Variants in KIF16B observed in about 807,000 individuals in gnomAD.
The protein encoded by KIF16B is kinesin-like protein KIF16B.
A neutral mutation model predicts 156.3 loss-of-function variants in KIF16B; 98 were observed. That is an observed-to-expected ratio of 0.63 (90% CI 0.53 to 0.74). The LOEUF (loss-of-function observed/expected upper bound fraction) is 0.74, where lower values mean the gene tolerates loss of function less well. Among genes scored for constraint, KIF16B ranks in the 30% least tolerant of loss-of-function variants. The probability of loss-of-function intolerance (pLI) is 0.00; values close to 1 mark genes in which losing one functional copy is unlikely to be tolerated. For missense variants in KIF16B, 1,421 were observed against 1,606.5 expected (o/e 0.88, Z 1.97); for synonymous variants, 564 against 583.7 (o/e 0.97, Z 0.49).
intron 25 of KIF16B, among the ~76,000 whole-genome samples, chr20:16,275,292 A>G (rs1335307784): frequency 6.6e-6 from 1 of 152,128 alleles, no homozygotes; most frequent in Non-Finnish European, 1.5e-5. Flanking sequence ...CTGACCTCAA[A>G]TGATCCACCC....
At chr20:16,398,607 A>G (rs887358172) in intron 17 of KIF16B, among the ~76,000 whole-genome samples, 8 of 152,144 alleles carry the variant, frequency 5.3e-5, no homozygotes, top group African/African-American at 1.9e-4. Context: ...CCATTTAAGG[A>G]AAAAAAATCT....
At chr20:16,430,330 GATGGCTTTTCTCTCTACTTACC>G (rs1007258780) in intron 12 of KIF16B, among the ~76,000 whole-genome samples, 5 of 152,064 alleles carry the variant, frequency 3.3e-5, no homozygotes, top group African/African-American at 1.2e-4. Flanking sequence ...TGCCTTAGTT[GATGGCTTTTCTCTCTACTTACC>G]ATGGTTGAAC....
At chr20:16,395,798 T>A (rs530279328) in intron 17 of KIF16B, among the ~76,000 whole-genome samples, 1 of 152,098 alleles carries the variant, frequency 6.6e-6, no homozygotes, top group African/African-American at 2.4e-5. Context: ...TAGGAGGGTG[T>A]AATTATATCG....
At chr20:16,345,166 C>A (rs538335149) in intron 23 of KIF16B, among the ~76,000 whole-genome samples, 1 of 152,208 alleles carries the variant, frequency 6.6e-6, no homozygotes, top group African/African-American at 2.4e-5. Context: ...TCCGATTATG[C>A]CTCCATGAGC....
intron 17 of KIF16B, among the ~76,000 whole-genome samples, chr20:16,396,754 G>A (rs1005139075): frequency 2.7e-5 from 4 of 149,900 alleles, no homozygotes; most frequent in South Asian, 2.1e-4. Context: ...CCCGATTGTC[G>A]GTGACTTCAG....
rs920764159 is a variant in KIF16B, at chr20:16,503,465, C to T, written c.1176+907G>A. On this transcript the variant is annotated intron_variant, in intron 10 of 25. Coordinates refer to ENST00000354981, the MANE Select transcript of KIF16B (RefSeq NM_024704.5). Reference sequence around the variant, plus strand: ...AGGAAATTCAGTGAGGTTTTCATCCCATCAGTATTTTCAAAACATTTATGG... The same window carrying T: ...AGGAAATTCAGTGAGGTTTTCATCCTATCAGTATTTTCAAAACATTTATGG... Among the ~76,000 whole-genome samples the T allele has an allele frequency of 5.3e-5, 8 of 152,244 alleles. No individual in the cohort carries two copies. The East Asian group carries it at 1.5e-3, about 29-fold the overall frequency.
chr20:16,336,126 T>C (rs891159229), intron 23 of KIF16B, 111 bp from the exon 24 acceptor site: 1 of 658,228 alleles, frequency 1.5e-6, no homozygotes, highest in African/African-American at 1.9e-5. Flanking sequence ...ATGTAAAATT[T>C]CTCTAGAACT....
rs74406342 is a variant in KIF16B, at chr20:16,425,821, T to C, written c.1612+1283A>G. On this transcript the variant is annotated intron_variant, in intron 15 of 25. Transcript: ENST00000354981. The stretch of plus-strand genomic sequence containing the variant: ...AACATAGTCAACTCTCACACTTCTA[T>C]AAAGAATACCTGAGACTATGTAATT... Among the ~76,000 whole-genome samples the C allele has an allele frequency of 3.3e-5, 5 of 152,250 alleles. No individual in the cohort carries two copies. In the East Asian group the frequency reaches 9.7e-4, roughly 29 times the overall value.
At position 16,562,517 on chromosome 20, in the gene KIF16B, C is replaced by T. The variant is rs565875051; in HGVS notation, c.47+10712G>A. On this transcript the variant is annotated intron_variant, in intron 1 of 25. Coordinates refer to ENST00000354981, the MANE Select transcript of KIF16B (RefSeq NM_024704.5). ...AGACATGCAACAAACGCCGTGACTA[C>T]GGATCCCAATCCCTCACGAGCAACC... is the stretch of plus-strand genomic sequence containing the variant. Among the ~76,000 whole-genome samples the T allele has an allele frequency of 7.9e-5, 12 of 152,256 alleles. No individual in the cohort carries two copies. In the South Asian group the frequency reaches 1.9e-3, roughly 24 times the overall value.
At chr20:16,341,373 G>A (rs1233101162) in intron 23 of KIF16B, among the ~76,000 whole-genome samples, 5 of 152,240 alleles carry the variant, frequency 3.3e-5, no homozygotes, top group South Asian at 2.1e-4. Context: ...GCTTAGTGAG[G>A]TCAGTGAAGG....
At chr20:16,424,137 T>C (rs552174391) in intron 15 of KIF16B, among the ~76,000 whole-genome samples, 62 of 152,264 alleles carry the variant, frequency 4.1e-4, no homozygotes, top group African/African-American at 1.5e-3. Context: ...GAGGGATCAC[T>C]GAGTGCTCAC....
intron 5 of KIF16B, among the ~76,000 whole-genome samples, chr20:16,512,361 T>C (rs531896005): frequency 7.2e-5 from 11 of 152,320 alleles, no homozygotes; most frequent in Non-Finnish European, 1.5e-4. Flanking sequence ...TATTGCCATG[T>C]CTGCCCTTGA....
intron 12 of KIF16B, among the ~76,000 whole-genome samples, chr20:16,487,223 G>C (rs2068145173): frequency 6.6e-6 from 1 of 151,798 alleles, no homozygotes; most frequent in Admixed American, 6.6e-5. Flanking sequence ...CTGCACTCCA[G>C]CCTGGGTGAC....
At chr20:16,497,791 G>A in intron 10 of KIF16B, 113 bp from the exon 11 acceptor site, 1 of 790,592 alleles carries the variant, frequency 1.3e-6, no homozygotes, top group Non-Finnish European at 2.1e-6. Flanking sequence ...AAGGTAAAAA[G>A]CAATGTCCTA....
Position 16,505,771 on chromosome 20 carries a change from C to G in KIF16B, c.951G>C (p.Trp317Cys), listed in dbSNP as rs747402963. 6.2e-7 allele frequency: 1 copy of G among 1,613,818 alleles called. No individual in the cohort carries two copies. The highest frequency in any genetic ancestry group is 1.7e-5 in the Admixed American group (1 of 60,010). ...TTCCTCCAAGGCTATCTTTTAACAA[C>G]CAAGTCAACACAGAATCCCTGTAAG... ...FVPYRDSVLT[W>C]LLKDSLGGNS... The change falls in exon 9 of 26, where the codon TGG becomes TGC. Residue 317 changes from tryptophan (W) to cysteine (C), a missense_variant. By Grantham distance (215) the Trp-to-Cys change is radical. Transcript: ENST00000354981.
intron 23 of KIF16B, among the ~76,000 whole-genome samples, chr20:16,342,029 C>T (rs897146268): frequency 3.3e-5 from 5 of 152,134 alleles, no homozygotes; most frequent in Non-Finnish European, 7.4e-5. Flanking sequence ...ACCTGGAGAG[C>T]TCCTGCTCAG....
chr20:16,379,013 T>C lies in KIF16B; in HGVS notation c.2989A>G (p.Arg997Gly), dbSNP rs765109139. ...RKKEKEILESREKQQREALER... is the reference protein window; with the variant it reads ...RKKEKEILESGEKQQREALER... ...AGCGCCTCTCTCTGCTGCTTCTCTC[T>C]GGACTCCAAAATCTCCTTTTCCTTT... The change falls in exon 19 of 26, where the codon AGA becomes GGA. Residue 997 changes from arginine to glycine, a missense_variant. Coordinates refer to ENST00000354981, the MANE Select transcript of KIF16B (RefSeq NM_024704.5). 1 of 1,612,992 alleles carries C rather than the reference T, an allele frequency of 6.2e-7. No individual in the cohort carries two copies. Among genetic ancestry groups the C allele is most frequent in the Non-Finnish European group, 8.5e-7 (1 of 1,179,512 alleles).
At chr20:16,447,103 T>C (rs1328722208) in intron 12 of KIF16B, among the ~76,000 whole-genome samples, 2 of 152,010 alleles carry the variant, frequency 1.3e-5, no homozygotes, top group African/African-American at 4.8e-5. Context: ...CACTTGCAAA[T>C]AGGAAATGAG....
chr20:16,295,133 T>A (rs1452726315), intron 25 of KIF16B, among the ~76,000 whole-genome samples: 1 of 152,142 alleles, frequency 6.6e-6, no homozygotes, highest in Admixed American at 6.5e-5. Flanking sequence ...AAATCCATTA[T>A]CAAAAAGATT....
Sources: allele counts gnomAD v4.1 joint callset (sites outside exome capture counted in the v4.1 genomes callset), GRCh38; gene constraint gnomAD v4.1.1; transcripts MANE v1.5; gene names NCBI Gene and HGNC (gene_info 2026-07-23, HGNC 2026-07-21).